Variants in ATP13A5 observed in about 807,000 individuals in gnomAD.
The protein encoded by ATP13A5 is ATPase 13A5.
A neutral mutation model predicts 150.2 loss-of-function variants in ATP13A5; 149 were observed. That is an observed-to-expected ratio of 0.99 (90% CI 0.87 to 1.14). The LOEUF is 1.14. ATP13A5 is among the 50% of genes most tolerant of loss of function. The pLI, the probability that ATP13A5 is intolerant of heterozygous loss-of-function variation, is 0.00. For missense variants in ATP13A5, 1,383 were observed against 1,449.3 expected (o/e 0.95, Z 0.74); for synonymous variants, 497 against 522.2 (o/e 0.95, Z 0.66).
At position 193,345,074 on chromosome 3, in the gene ATP13A5, T is replaced by A. The variant is rs766985195; in HGVS notation, c.743A>T (p.Gln248Leu). Residue 248 changes from glutamine (Q) to leucine (L), a missense_variant and splice_region_variant, in exon 8 of 30, where the codon CAA (glutamine) becomes CTA (leucine). Physicochemically the swap from Gln to Leu is moderately radical, Grantham distance 113 (BLOSUM62 -2). Coordinates refer to ENST00000342358, the MANE Select transcript of ATP13A5 (RefSeq NM_198505.4). ...CACGAGGTTATGCAGCTTAACTGATTGCTACCAAGTAAAAGTTAACATTTA... is the reference window on the plus strand; with the variant it reads ...CACGAGGTTATGCAGCTTAACTGATAGCTACCAAGTAAAAGTTAACATTTA... ...IVLSVYDLRQQSVKLHNLVED... is the reference protein window; with the variant it reads ...IVLSVYDLRQLSVKLHNLVED... 4.6e-5 allele frequency: 74 copies of A among 1,612,750 alleles called. No homozygotes were observed. The highest frequency in any genetic ancestry group is 6.3e-5 in the Non-Finnish European group (74 of 1,178,966).
At chr3:193,326,905 A>G (rs1275400759) in intron 13 of ATP13A5, 91 bp downstream of exon 13, 1 of 1,077,882 alleles carries the variant, frequency 9.3e-7, no homozygotes, top group East Asian at 2.5e-5. Context: ...ATTTTATGTG[A>G]CATTCATCCC....
In ATP13A5 at chr3:193,334,964, C is replaced by G; in HGVS notation, c.1079G>C (p.Gly360Ala). 6.2e-7 allele frequency: 1 copy of G among 1,613,884 alleles called. No homozygotes were observed. Among genetic ancestry groups the G allele is most frequent in the Non-Finnish European group, 8.5e-7 (1 of 1,179,810 alleles). The change falls in exon 10 of 30, where the codon GGG (glycine) becomes GCG (alanine). Residue 360 changes from glycine to alanine, a missense_variant. Physicochemically the swap from Gly to Ala is moderately conservative, Grantham distance 60 (BLOSUM62 0). This residue lies in a region of ATP13A5 where 787 missense variants were observed against 771.9 expected (regional missense o/e 1.02). Transcript: ENST00000342358. ...AACGACTGCTCGTACAGGCCCCTGC[C>G]CAGAGGGCTTGACCTGGATAACTTC... is the stretch of plus-strand genomic sequence containing the variant. ...GTEVIQVKPSGQGPVRAVVLQ... is the reference protein window; with the variant it reads ...GTEVIQVKPSAQGPVRAVVLQ...
At chr3:193,290,097 A>T in intron 25 of ATP13A5, 38 bp from the exon 26 acceptor site, 1 of 1,547,838 alleles carries the variant, frequency 6.5e-7, no homozygotes, top group Non-Finnish European at 8.7e-7. Flanking sequence ...TTACAATCTT[A>T]TCATTGAGAA....
At chr3:193,360,318 T>G (rs1712957361) in intron 5 of ATP13A5, among the ~76,000 whole-genome samples, 1 of 152,216 alleles carries the variant, frequency 6.6e-6, no homozygotes, top group South Asian at 2.1e-4. Flanking sequence ...ACCCAGCTGC[T>G]AGGGAGCCCA....
chr3:193,299,368 T>C (rs1206193764), intron 24 of ATP13A5, among the ~76,000 whole-genome samples, 165 bp from the exon 25 acceptor site: 2 of 152,136 alleles, frequency 1.3e-5, no homozygotes, highest in Admixed American at 6.6e-5. Flanking sequence ...TTTTGTAGAA[T>C]GAGGCCAGAC....
At chr3:193,303,022 A>T (rs1718464312) in intron 23 of ATP13A5, among the ~76,000 whole-genome samples, 3 of 152,210 alleles carry the variant, frequency 2.0e-5, no homozygotes, top group Admixed American at 1.3e-4. Context: ...ATGCATGAGG[A>T]GGAGCATCTG....
intron 25 of ATP13A5, among the ~76,000 whole-genome samples, chr3:193,298,907 G>T (rs142728431): frequency 8.1e-4 from 123 of 152,198 alleles, no homozygotes; most frequent in Middle Eastern, 3.4e-3. Flanking sequence ...GGACTACGTT[G>T]ACAGTTTTTT....
chr3:193,332,093 G>A (rs2108873092), intron 11 of ATP13A5, among the ~76,000 whole-genome samples: 1 of 152,296 alleles, frequency 6.6e-6, no homozygotes, highest in South Asian at 2.1e-4. Flanking sequence ...ATTCCCACCT[G>A]TAGTAAGAGG....
At chr3:193,336,295 T>A (rs1257067723) in intron 9 of ATP13A5, among the ~76,000 whole-genome samples, 1 of 152,184 alleles carries the variant, frequency 6.6e-6, no homozygotes, top group Non-Finnish European at 1.5e-5. Context: ...CATGCAGGTT[T>A]GTTACATATG....
At chr3:193,343,846 G>T in intron 9 of ATP13A5, 81 bp downstream of exon 9, 1 of 1,479,592 alleles carries the variant, frequency 6.8e-7, no homozygotes, top group Non-Finnish European at 9.0e-7. Context: ...CTTAGCAAGG[G>T]TCTGGTATAA....
At chr3:193,347,455 A>G (rs1712386746) in intron 7 of ATP13A5, among the ~76,000 whole-genome samples, 1 of 152,030 alleles carries the variant, frequency 6.6e-6, no homozygotes, top group Non-Finnish European at 1.5e-5. Context: ...CTGTTGAGGA[A>G]TATGTTCTAC....
chr3:193,289,189 C>T (rs1334307236), intron 26 of ATP13A5, among the ~76,000 whole-genome samples: 1 of 152,022 alleles, frequency 6.6e-6, no homozygotes, highest in Non-Finnish European at 1.5e-5. Flanking sequence ...TTTCTTTTAT[C>T]GGCAGAAAGA....
intron 9 of ATP13A5, among the ~76,000 whole-genome samples, chr3:193,338,429 G>C (rs1711979110): frequency 6.6e-6 from 1 of 152,172 alleles, no homozygotes; most frequent in Admixed American, 6.6e-5. Flanking sequence ...TTTATTGAAA[G>C]TTTTTAGCAT....
At chr3:193,365,314 A>C (rs1180504955) in intron 1 of ATP13A5, among the ~76,000 whole-genome samples, 1 of 152,168 alleles carries the variant, frequency 6.6e-6, no homozygotes, top group East Asian at 1.9e-4. Context: ...AGTTTAGATC[A>C]TGCTATAAAA....
chr3:193,337,917 G>A (rs1237456471), intron 9 of ATP13A5, among the ~76,000 whole-genome samples: 1 of 152,104 alleles, frequency 6.6e-6, no homozygotes, highest in Non-Finnish European at 1.5e-5. Flanking sequence ...TTGAGCAGTG[G>A]TTTGTAGTTC....
At chr3:193,357,581 G>A (rs1359656319) in intron 5 of ATP13A5, among the ~76,000 whole-genome samples, 1 of 152,214 alleles carries the variant, frequency 6.6e-6, no homozygotes, top group Non-Finnish European at 1.5e-5. Flanking sequence ...GTTCACATGA[G>A]GAAAGGTCTA....
intron 20 of ATP13A5, 46 bp downstream of exon 20, chr3:193,311,770 G>T (rs758010601): frequency 6.2e-7 from 1 of 1,605,738 alleles, no homozygotes; most frequent in African/African-American, 1.3e-5. Flanking sequence ...CTTTCGCCTC[G>T]CTGATTTGAG....
intron 17 of ATP13A5, among the ~76,000 whole-genome samples, chr3:193,315,747 C>T (rs969207362): frequency 9.2e-5 from 14 of 152,014 alleles, no homozygotes; most frequent in African/African-American, 2.9e-4. Context: ...TGCTGTGCAC[C>T]GTGGTGTTAA....
intron 21 of ATP13A5, among the ~76,000 whole-genome samples, chr3:193,308,814 C>G (rs934759094): frequency 2.0e-5 from 3 of 152,076 alleles, no homozygotes; most frequent in Non-Finnish European, 4.4e-5. Context: ...CAAAGTTAGG[C>G]ATTTTAGTTG....
Sources: allele counts gnomAD v4.1 joint callset (sites outside exome capture counted in the v4.1 genomes callset), GRCh38; gene constraint gnomAD v4.1.1; regional missense constraint gnomAD v4.1.1; transcripts MANE v1.5; gene names NCBI Gene and HGNC (gene_info 2026-07-23, HGNC 2026-07-21).